Variants in ARHGEF3 observed in about 807,000 individuals in gnomAD.
ARHGEF3 encodes the protein Rho guanine nucleotide exchange factor 3, also known as 59.8 kDA protein.
A neutral mutation model predicts 63.2 loss-of-function variants in ARHGEF3; 28 were observed. The observed-to-expected ratio is 0.44, with a 90% CI of 0.33 to 0.61. The LOEUF (loss-of-function observed/expected upper bound fraction) is 0.61. Ranked by LOEUF, ARHGEF3 falls within the 20% of genes least tolerant of loss-of-function variation. The pLI is 0.03. For missense variants in ARHGEF3, 533 were observed against 659.3 expected, an observed-to-expected ratio of 0.81 and a Z score of 2.10; for synonymous variants, 266 against 254.2, an observed-to-expected ratio of 1.05 and a Z score of -0.44.
At chr3:56,805,610 G>A (rs1044679925), upstream of ARHGEF3, among the ~76,000 whole-genome samples, 1 of 152,210 alleles carries the variant, frequency 6.6e-6, no homozygotes, top group African/African-American at 2.4e-5. Flanking sequence ...ATTGATTGAT[G>A]AGAAGGCTGC....
In ARHGEF3 at chr3:56,737,365, C is replaced by G. The variant is rs1398376161; in HGVS notation, c.871-10G>C. The G allele has an allele frequency of 6.2e-7, 1 of 1,604,154 alleles. No individual in the cohort carries two copies. ...CCTGAATGATATTTATCTATGAAAA[C>G]AAAGAGGAAAATTAAGTATGGAGGA... On this transcript the variant is annotated splice_polypyrimidine_tract_variant and intron_variant, in intron 7 of 9. Transcript: ENST00000296315.
intron 3 of ARHGEF3, among the ~76,000 whole-genome samples, chr3:56,886,395 G>A (rs377168909): frequency 5.1e-4 from 78 of 152,198 alleles, no homozygotes; most frequent in Non-Finnish European, 1.0e-3. Flanking sequence ...AGAGAGAACA[G>A]AAAGGACCTG....
Position 57,067,204 on chromosome 3 carries a change from T to C in ARHGEF3, c.-28+12022A>G, listed in dbSNP as rs1051691746. Reference sequence around the variant, plus strand: ...CGGTGGCTCACGCCTGTAATCCCAGTACTTTGGGAGGCCAAGGCGGGTGGA... The same window carrying C: ...CGGTGGCTCACGCCTGTAATCCCAGCACTTTGGGAGGCCAAGGCGGGTGGA... On this transcript the variant is annotated intron_variant, in intron 1 of 12. Coordinates refer to the ARHGEF3 transcript ENST00000338458. Among the ~76,000 whole-genome samples the C allele has an allele frequency of 3.3e-5, 5 of 151,504 alleles. No homozygotes were observed. The South Asian group carries it at 8.3e-4, about 25-fold the overall frequency.
chr3:56,995,337 G>A lies in ARHGEF3; in HGVS notation c.63-36448C>T, dbSNP rs528033820. Among the ~76,000 whole-genome samples, 20 of 152,062 alleles carry A rather than the reference G, an allele frequency of 1.3e-4. No homozygotes were observed. The East Asian group carries it at 3.5e-3, about 26-fold the overall frequency. ...TTGACAACTGTCCTTTACCAAGCTC[G>A]TCCTCTGATGACTCTGATTTGTTGT... On this transcript the variant is annotated intron_variant, in intron 2 of 12. Coordinates refer to the ARHGEF3 transcript ENST00000338458.
At chr3:56,734,353 G>A (rs531390879) in intron 8 of ARHGEF3, among the ~76,000 whole-genome samples, 1 of 152,320 alleles carries the variant, frequency 6.6e-6, no homozygotes, top group Admixed American at 6.5e-5. Context: ...GTTGTCACTT[G>A]TAAGTGGGAG....
intron 4 of ARHGEF3, among the ~76,000 whole-genome samples, chr3:56,878,040 G>C (rs2040647625): frequency 6.6e-6 from 1 of 152,188 alleles, no homozygotes; most frequent in Non-Finnish European, 1.5e-5. Flanking sequence ...TTTTTCTAGA[G>C]AACGTATATT....
At chr3:57,000,292 T>C (rs1328014208) in intron 2 of ARHGEF3, among the ~76,000 whole-genome samples, 2 of 120,280 alleles carry the variant, frequency 1.7e-5, no homozygotes, top group Non-Finnish European at 3.7e-5. Flanking sequence ...GTAAAGTCCT[T>C]TTTTTAGAGG....
chr3:56,801,375 T>C (rs1378023332), intron 1 of ARHGEF3, among the ~76,000 whole-genome samples: 1 of 149,810 alleles, frequency 6.7e-6, no homozygotes, highest in Non-Finnish European at 1.5e-5. Context: ...CCTCTGAGAG[T>C]CCAGACAGAA....
chr3:56,787,363 T>C (rs1272187946), intron 1 of ARHGEF3, among the ~76,000 whole-genome samples: 2 of 152,132 alleles, frequency 1.3e-5, no homozygotes, highest in Admixed American at 6.5e-5. Flanking sequence ...GCCAAGGCAC[T>C]TGCCTACTCA....
chr3:56,751,213 T>C lies in ARHGEF3; in HGVS notation c.536-81A>G, dbSNP rs116451543. ...GGAAGTAGGTTCTGGGTTATTCACA[T>C]TGCAGGCAATTAATAATCACTCACT... On this transcript the variant is annotated intron_variant, in intron 5 of 9. Transcript: ENST00000296315. The C allele has an allele frequency of 6.1e-4, 940 of 1,540,028 alleles. 1 individual carries two copies. Among genetic ancestry groups the C allele is most frequent in the Middle Eastern group, 3.0e-3 (18 of 5,914 alleles).
chr3:56,999,072 T>TA (rs1702094336), intron 2 of ARHGEF3, among the ~76,000 whole-genome samples: 2 of 152,286 alleles, frequency 1.3e-5, no homozygotes, highest in South Asian at 2.1e-4. Context: ...TGTTTTGAGA[T>TA]AGAGTCTTGC....
At chr3:56,817,860 C>A (rs912590817) in intron 4 of ARHGEF3, among the ~76,000 whole-genome samples, 3 of 152,232 alleles carry the variant, frequency 2.0e-5, no homozygotes, top group Admixed American at 2.0e-4. Context: ...CCCGTACCCA[C>A]AGGGCAATCA....
At chr3:56,982,955 T>A (rs1701383820) in intron 2 of ARHGEF3, among the ~76,000 whole-genome samples, 1 of 152,170 alleles carries the variant, frequency 6.6e-6, no homozygotes, top group African/African-American at 2.4e-5. Flanking sequence ...CCCTTTGGGT[T>A]ATAAAGATGT....
chr3:56,808,505 C>A (rs1426571294), intron 4 of ARHGEF3, among the ~76,000 whole-genome samples: 1 of 151,582 alleles, frequency 6.6e-6, no homozygotes, highest in Non-Finnish European at 1.5e-5. Context: ...TGGGAGGATC[C>A]CTTGAGCTCA....
intron 9 of ARHGEF3, among the ~76,000 whole-genome samples, chr3:56,731,206 G>A (rs1047855498): frequency 2.3e-4 from 35 of 152,226 alleles, no homozygotes; most frequent in South Asian, 8.3e-4. Flanking sequence ...AAGCTCAAAC[G>A]TTACTTTCTC....
At chr3:56,951,684 T>G (rs1006794028) in intron 3 of ARHGEF3, among the ~76,000 whole-genome samples, 1 of 152,044 alleles carries the variant, frequency 6.6e-6, no homozygotes, top group Admixed American at 6.6e-5. Flanking sequence ...TATTTTCTCT[T>G]CTATGCTGCC....
At chr3:56,896,677 T>C (rs548042356) in intron 3 of ARHGEF3, among the ~76,000 whole-genome samples, 1 of 152,342 alleles carries the variant, frequency 6.6e-6, no homozygotes, top group South Asian at 2.1e-4. Flanking sequence ...GCCAGTTACG[T>C]TGTATAATTT....
chr3:56,898,445 G>T (rs142523188), intron 3 of ARHGEF3: 4,939 of 154,914 alleles, frequency 0.032, 266 homozygotes, highest in African/African-American at 0.11. Context: ...CTGACCTCAG[G>T]TGATCCACTC....
At chr3:56,896,861 C>T (rs761605815) in intron 3 of ARHGEF3, among the ~76,000 whole-genome samples, 3 of 152,184 alleles carry the variant, frequency 2.0e-5, no homozygotes, top group Non-Finnish European at 4.4e-5. Flanking sequence ...AGACATGTGG[C>T]ATTGGTTTGG....
Sources: gnomAD v4.1 joint callset for allele counts (sites outside exome capture counted in the v4.1 genomes callset) on GRCh38, gnomAD v4.1.1 for gene constraint, MANE v1.5 for transcripts, NCBI Gene and HGNC (gene_info 2026-07-23, HGNC 2026-07-21) for gene names.